Variants in SKA2 observed in about 807,000 individuals in gnomAD.
The protein encoded by SKA2 is spindle and kinetochore-associated protein 2.
A neutral mutation model predicts 16.9 loss-of-function variants in SKA2; 13 were observed. The ratio of observed to expected loss-of-function variants is 0.77; its 90% CI spans 0.50 to 1.22. The LOEUF (loss-of-function observed/expected upper bound fraction) is 1.22. SKA2 is among the 50% of genes most tolerant of loss of function. SKA2 has a pLI of 0.00. For synonymous variants in SKA2, 47 were observed against 48.5 expected (o/e 0.97, Z 0.13); for missense variants, 107 against 139.7 (o/e 0.77, Z 1.18).
chr17:59,141,591 T>C (rs961276675), intron 1 of SKA2, among the ~76,000 whole-genome samples: 8 of 150,796 alleles, frequency 5.3e-5, no homozygotes, highest in African/African-American at 2.0e-4. Flanking sequence ...AACTAGCCAG[T>C]GTGGTGGCAT....
chr17:59,113,269 C>G (rs1184897769), intron 3 of SKA2, among the ~76,000 whole-genome samples: 2 of 151,924 alleles, frequency 1.3e-5, no homozygotes, highest in Non-Finnish European at 2.9e-5. Context: ...GCCTTCTAAT[C>G]CCAGCGCTTC....
intron 1 of SKA2, among the ~76,000 whole-genome samples, chr17:59,152,463 G>C (rs1165872566): frequency 1.3e-5 from 2 of 152,080 alleles, no homozygotes; most frequent in African/African-American, 4.8e-5. Context: ...AGGTTTTAAA[G>C]ACAACTGTTT....
intron 2 of SKA2, chr17:59,129,219 T>A (rs1249210486): frequency 6.6e-6 from 1 of 152,188 alleles, no homozygotes; most frequent in Non-Finnish European, 1.5e-5. Flanking sequence ...TGTGGTGGTG[T>A]GTGCCTATAG....
chr17:59,141,541 T>C (rs2046489621), intron 1 of SKA2, among the ~76,000 whole-genome samples: 1 of 151,666 alleles, frequency 6.6e-6, no homozygotes, highest in Non-Finnish European at 1.5e-5. Context: ...GCCTAGCCAA[T>C]ATGGTGAAGG....
intron 1 of SKA2, among the ~76,000 whole-genome samples, chr17:59,131,896 T>C (rs915283683): frequency 4.6e-5 from 7 of 152,138 alleles, no homozygotes; most frequent in Admixed American, 4.6e-4. Flanking sequence ...AAGCTACATA[T>C]GATATGGGAG....
intron 1 of SKA2, among the ~76,000 whole-genome samples, chr17:59,131,972 A>T (rs2046414651): frequency 6.6e-6 from 1 of 152,198 alleles, no homozygotes; most frequent in African/African-American, 2.4e-5. Flanking sequence ...TCTGTAGTAA[A>T]CCTCAAAGGA....
At chr17:59,154,921 T>C (rs781690084) in intron 1 of SKA2, 21 of 1,608,222 alleles carry the variant, frequency 1.3e-5, no homozygotes, top group Non-Finnish European at 1.6e-5. Flanking sequence ...TCTCCCGCCA[T>C]TTCCCTGACG....
chr17:59,150,894 A>G (rs572212788), intron 1 of SKA2, among the ~76,000 whole-genome samples: 2 of 152,358 alleles, frequency 1.3e-5, no homozygotes, highest in Non-Finnish European at 2.9e-5. Context: ...CAAATTATAA[A>G]GTATTACTCA....
intron 1 of SKA2, among the ~76,000 whole-genome samples, chr17:59,154,233 G>C (rs534344409): frequency 7.9e-5 from 12 of 151,462 alleles, no homozygotes; most frequent in Admixed American, 7.9e-4. Context: ...AAGGGCTGAA[G>C]ACAGAACAAG....
At position 59,112,142 on chromosome 17, in the gene SKA2, A is replaced by G. The variant is rs1599654193; in HGVS notation, c.*135T>C. 3.1e-6 allele frequency: 2 copies of G among 642,562 alleles called. No homozygotes were observed. Among genetic ancestry groups the G allele is most frequent in the East Asian group, 5.4e-5 (2 of 37,162 alleles). The allele number at this position is 642,562 out of a possible 1,614,324, so 39.8% of individuals were successfully genotyped here. ...TATAATCTCTCTCATGAAAGATATC[A>G]TTATCCAGTCATTGAAGCCAAACCC... On this transcript the variant is annotated 3_prime_UTR_variant, in exon 4 of 4. Coordinates refer to ENST00000330137, the MANE Select transcript of SKA2 (RefSeq NM_182620.4).
intron 1 of SKA2, among the ~76,000 whole-genome samples, chr17:59,134,577 AGTCTT>A (rs2046431601): frequency 6.8e-6 from 1 of 147,544 alleles, no homozygotes; most frequent in Admixed American, 6.8e-5. Context: ...TTTTTGGAGG[AGTCTT>A]GTTCTGTTGC....
At chr17:59,119,162 G>C in intron 3 of SKA2, 157 bp downstream of exon 3, 1 of 705,542 alleles carries the variant, frequency 1.4e-6, no homozygotes, top group Non-Finnish European at 2.3e-6. Flanking sequence ...TAAATAAACA[G>C]AAATAAGAGC....
chr17:59,129,934 A>G (rs370004062), intron 2 of SKA2, among the ~76,000 whole-genome samples: 30 of 131,992 alleles, frequency 2.3e-4, no homozygotes, highest in African/African-American at 8.0e-4. Flanking sequence ...GGAAGGAAGG[A>G]AGGAGAGAAA....
intron 2 of SKA2, among the ~76,000 whole-genome samples, chr17:59,128,369 A>T (rs1277667568): frequency 1.3e-5 from 2 of 152,006 alleles, no homozygotes; most frequent in Non-Finnish European, 2.9e-5. Flanking sequence ...TCATGCCTGC[A>T]ATCCCAGCAC....
intron 1 of SKA2, among the ~76,000 whole-genome samples, chr17:59,143,847 G>T (rs887425311): frequency 3.3e-5 from 5 of 151,770 alleles, no homozygotes; most frequent in Non-Finnish European, 5.9e-5. Flanking sequence ...TATAGAATAT[G>T]AATTTAAAAT....
intron 3 of SKA2, among the ~76,000 whole-genome samples, chr17:59,114,170 T>A (rs184809561): frequency 6.6e-6 from 1 of 152,276 alleles, no homozygotes; most frequent in East Asian, 1.9e-4. Flanking sequence ...CAACCACTGT[T>A]AGTTAAAAAA....
In SKA2 at chr17:59,154,920, A is replaced by C. The variant is rs755455739; in HGVS notation, c.33+211T>G. On this transcript the variant is annotated intron_variant, in intron 1 of 3. Transcript: ENST00000330137. ...CCCCGCACCCTCAGCATCTCCCGCC[A>C]TTTCCCTGACGAGTTTCCCGGATGT... 3 of 1,608,006 alleles carry C rather than the reference A, an allele frequency of 1.9e-6. No homozygotes were observed. The Admixed American group carries it at 5.0e-5, about 27-fold the overall frequency.
At chr17:59,115,200 C>T (rs1164393108) in intron 3 of SKA2, among the ~76,000 whole-genome samples, 1 of 151,638 alleles carries the variant, frequency 6.6e-6, no homozygotes, top group African/African-American at 2.4e-5. Flanking sequence ...ATTACAGGTG[C>T]CCGCCACCAT....
chr17:59,119,586 C>T, intron 2 of SKA2, 91 bp from the exon 3 acceptor site: 6 of 1,170,914 alleles, frequency 5.1e-6, no homozygotes, highest in Non-Finnish European at 7.4e-6. Flanking sequence ...CACATTCTAC[C>T]ATCCATTTAA....
Sources: allele counts gnomAD v4.1 joint callset (sites outside exome capture counted in the v4.1 genomes callset), GRCh38; gene constraint gnomAD v4.1.1; transcripts MANE v1.5; gene names NCBI Gene and HGNC (gene_info 2026-07-23, HGNC 2026-07-21).